Variants in DUSP19 observed in about 807,000 individuals in gnomAD.
DUSP19 encodes the protein dual specificity protein phosphatase 19.
Under a neutral mutation model 16.6 loss-of-function variants are expected in DUSP19, and 14 were observed. The observed-to-expected ratio is 0.84, with a 90% CI of 0.56 to 1.32. DUSP19 has a LOEUF of 1.32. Among genes scored for constraint, DUSP19 ranks in the 40% most tolerant of loss-of-function variants. DUSP19 has a pLI of 0.00. For missense variants in DUSP19, 258 were observed against 255.9 expected (o/e 1.01, Z -0.06); for synonymous variants, 81 against 90.5 (o/e 0.90, Z 0.59).
At chr2:183,090,573 T>C (rs1002973763) in intron 3 of DUSP19, among the ~76,000 whole-genome samples, 1 of 152,220 alleles carries the variant, frequency 6.6e-6, no homozygotes, top group Non-Finnish European at 1.5e-5. Context: ...AAATGGAAAA[T>C]GCAGATGAAA....
rs1395142346 is a variant in DUSP19 at position 183,095,879 on chromosome 2, T to G, written c.*221T>G. The G allele has an allele frequency of 1.8e-5, 6 of 335,602 alleles. No individual in the cohort carries two copies. The highest frequency in any genetic ancestry group is 3.2e-5 in the Non-Finnish European group (6 of 185,362). The allele number at this position is 335,602 out of a possible 1,614,324, so 20.8% of individuals were successfully genotyped here. A position where few individuals can be genotyped will look rare whatever the true frequency, so the allele number is the denominator to read the frequency against. On this transcript the variant is annotated 3_prime_UTR_variant, in exon 4 of 4. Transcript: ENST00000354221. ...TATAATGTGTGATTAAATGCTTTTT[T>G]AAATTGCTAAGGGAAAATAACAAAG...
intron 1 of DUSP19, among the ~76,000 whole-genome samples, chr2:183,083,069 T>C (rs948493120): frequency 1.3e-5 from 2 of 151,202 alleles, no homozygotes; most frequent in African/African-American, 4.8e-5. Context: ...GCCTGGCTAA[T>C]TAAAAAAAAT....
chr2:183,091,506 C>T (rs1361050198), intron 3 of DUSP19, among the ~76,000 whole-genome samples: 1 of 152,132 alleles, frequency 6.6e-6, no homozygotes, highest in Non-Finnish European at 1.5e-5. Flanking sequence ...TCATGCTCAC[C>T]TTATGTAAAT....
At chr2:183,085,871 T>G (rs1268910749) in intron 2 of DUSP19, among the ~76,000 whole-genome samples, 75 of 129,200 alleles carry the variant, frequency 5.8e-4, no homozygotes, top group African/African-American at 2.0e-3. Flanking sequence ...TTTTTTTTTT[T>G]TTTTTTTTTT....
At chr2:183,082,046 G>A (rs569028609) in intron 1 of DUSP19, among the ~76,000 whole-genome samples, 14 of 152,278 alleles carry the variant, frequency 9.2e-5, no homozygotes, top group African/African-American at 2.6e-4. Flanking sequence ...CTGGGAAGCC[G>A]GCTGTGACAG....
In DUSP19 at chr2:183,086,975, A is replaced by G. The variant is rs535077701; in HGVS notation, c.274-65A>G. 11 of 1,497,880 alleles carry G rather than the reference A, an allele frequency of 7.3e-6. No homozygotes were observed. In the Admixed American group the frequency reaches 1.2e-4, roughly 17 times the overall value. The allele number at this position is 1,497,880 out of a possible 1,614,324, so 92.8% of individuals were successfully genotyped here. A position where few individuals can be genotyped will look rare whatever the true frequency, so the allele number is the denominator to read the frequency against. ...TTCTTGTTATAGATATCAACACCCC[A>G]GTCTCTTTTTAGGTAACCTAATTCA... is the stretch of plus-strand genomic sequence containing the variant. On this transcript the variant is annotated intron_variant, in intron 2 of 3. Coordinates refer to ENST00000354221, the MANE Select transcript of DUSP19 (RefSeq NM_080876.4).
intron 2 of DUSP19, among the ~76,000 whole-genome samples, chr2:183,085,523 C>A (rs1335615842): frequency 6.6e-6 from 1 of 150,512 alleles, no homozygotes; most frequent in East Asian, 1.9e-4. Flanking sequence ...GAAACAGTTT[C>A]ATTTGAATTG....
In DUSP19 at chr2:183,079,132, G is replaced by C. The variant is rs140895775; in HGVS notation, c.199G>C (p.Gly67Arg). 1.1e-5 allele frequency: 17 copies of C among 1,613,908 alleles called. No individual in the cohort carries two copies. The African/African-American group carries it at 2.3e-4, about 22-fold the overall frequency. The part of the protein sequence containing the change: ...VQDLSSDLQV[G>R]VIKPWLLLGS... ...GGACCTTAGCTCGGACCTGCAAGTT[G>C]GCGTTATTAAGCCATGGTTGCTCCT... is the stretch of plus-strand genomic sequence containing the variant. The change falls in exon 1 of 4, where the codon GGC becomes CGC. Residue 67 changes from glycine to arginine, a missense_variant. Transcript: ENST00000354221.
chr2:183,082,460 G>A lies in DUSP19; in HGVS notation c.227-1048G>A, dbSNP rs1227289390. 1.4e-4 allele frequency among the ~76,000 whole-genome samples: 16 copies of A among 112,002 alleles called. No individual in the cohort carries two copies. In the Admixed American group the frequency reaches 1.5e-3, roughly 11 times the overall value. 73.5% of individuals were successfully genotyped at this position (112,002 alleles called of 152,430 possible). A position where few individuals can be genotyped will look rare whatever the true frequency, so the allele number is the denominator to read the frequency against. On this transcript the variant is annotated intron_variant, in intron 1 of 3. Transcript: ENST00000354221. ...TTTTTTTGAGACGGAGTCTCACTCTGTCACCTAGGCTGGAGTGCAGTGGCA... is the reference window on the plus strand; with the variant it reads ...TTTTTTTGAGACGGAGTCTCACTCTATCACCTAGGCTGGAGTGCAGTGGCA...
At chr2:183,089,253 A>G (rs1448477679) in intron 3 of DUSP19, among the ~76,000 whole-genome samples, 1 of 152,206 alleles carries the variant, frequency 6.6e-6, no homozygotes, top group East Asian at 1.9e-4. Context: ...CTCATTTCAC[A>G]GTGAGCTGAC....
chr2:183,097,784 A>G lies in DUSP19; in HGVS notation c.*2126A>G, dbSNP rs1699822334. 6.6e-6 allele frequency: 1 copy of G among 152,188 alleles called. No individual in the cohort carries two copies. The allele number at this position is 152,188 out of a possible 1,614,324, so 9.4% of individuals were successfully genotyped here. Reference sequence around the variant, plus strand: ...GTATTTAAATACATTTTATTTTGCTAAATCCTGTTTAGTTTTCAGCCATTA... The same window carrying G: ...GTATTTAAATACATTTTATTTTGCTGAATCCTGTTTAGTTTTCAGCCATTA... On this transcript the variant is annotated 3_prime_UTR_variant, in exon 4 of 4. Transcript: ENST00000354221.
intron 3 of DUSP19, among the ~76,000 whole-genome samples, chr2:183,088,397 G>GTTTTTTTTTTTTGTTTT (rs1699689889): frequency 8.2e-6 from 1 of 121,332 alleles, no homozygotes; most frequent in Non-Finnish European, 1.7e-5. Flanking sequence ...TGTTTTTTGT[G>GTTTTTTTTTTTTGTTTT]TTTTTTTTTT....
intron 1 of DUSP19, among the ~76,000 whole-genome samples, chr2:183,082,198 A>G (rs1430031186): frequency 6.6e-6 from 1 of 152,166 alleles, no homozygotes; most frequent in African/African-American, 2.4e-5. Flanking sequence ...GGTTTTTGTA[A>G]TATCCTTTTT....
chr2:183,081,976 C>T (rs953703909), intron 1 of DUSP19, among the ~76,000 whole-genome samples: 4 of 152,100 alleles, frequency 2.6e-5, no homozygotes, highest in African/African-American at 7.2e-5. Flanking sequence ...TTTATTTTGA[C>T]TAGTTATTCT....
chr2:183,095,425 T>TG lies in DUSP19; in HGVS notation c.427-6_427-5insG, dbSNP rs1699785176. 2 of 1,574,502 alleles carry TG rather than the reference T, an allele frequency of 1.3e-6. No homozygotes were observed. Among genetic ancestry groups the TG allele is most frequent in the African/African-American group, 2.8e-5 (2 of 72,580 alleles). The stretch of plus-strand genomic sequence containing the variant: ...TGAAGATTTTTGTTTGTTTTTTTTT[T>TG]TGTAGGATGGAGTGGTTCTTGTTCA... On this transcript the variant is annotated splice_polypyrimidine_tract_variant and splice_region_variant and intron_variant, in intron 3 of 3. Coordinates refer to ENST00000354221, the MANE Select transcript of DUSP19 (RefSeq NM_080876.4).
intron 1 of DUSP19, among the ~76,000 whole-genome samples, 171 bp downstream of exon 1, chr2:183,079,330 T>A (rs769978862): frequency 2.0e-5 from 3 of 152,152 alleles, no homozygotes; most frequent in Non-Finnish European, 4.4e-5. Flanking sequence ...CGTTTCTGCC[T>A]CACAGTGTAC....
rs1699791347 is a variant in DUSP19, at chr2:183,095,672, A to G, written c.*14A>G. 6.3e-7 allele frequency: 1 copy of G among 1,578,526 alleles called. No individual in the cohort carries two copies. Among genetic ancestry groups the G allele is most frequent in the African/African-American group, 1.3e-5 (1 of 74,278 alleles). ...AACAGTTCATGAGTTGCATTGTAGC[A>G]GACAATGGACAACTGTAGTTTCTGA... On this transcript the variant is annotated 3_prime_UTR_variant, in exon 4 of 4. Coordinates refer to ENST00000354221, the MANE Select transcript of DUSP19 (RefSeq NM_080876.4).
rs951095767 is a variant in DUSP19 at position 183,098,472 on chromosome 2, TA to T, written c.*2821del. ...ATCACTCTGTCATTCCTAGTTATTT[TA>T]AAAAAAGAACTTTATGATTACGGTC... is the stretch of plus-strand genomic sequence containing the variant. On this transcript the variant is annotated 3_prime_UTR_variant, in exon 4 of 4. Coordinates refer to ENST00000354221, the MANE Select transcript of DUSP19 (RefSeq NM_080876.4). 2.0e-5 allele frequency: 3 copies of T among 152,176 alleles called. No homozygotes were observed. The East Asian group carries it at 5.8e-4, about 29-fold the overall frequency. 9.4% of individuals were successfully genotyped at this position (152,176 alleles called of 1,614,324 possible). A position where few individuals can be genotyped will look rare whatever the true frequency, so the allele number is the denominator to read the frequency against.
rs750734450 is a variant in DUSP19, at chr2:183,079,093, T to C, written c.160T>C (p.Cys54Arg). The C allele has an allele frequency of 6.2e-7, 1 of 1,614,022 alleles. No individual in the cohort carries two copies. Among genetic ancestry groups the C allele is most frequent in the Non-Finnish European group, 8.5e-7 (1 of 1,179,990 alleles). ...EEVEPSSGGG[C>R]GYVQDLSSDL... ...AGTAGAGCCGAGCAGTGGGGGTGGT[T>C]GTGGTTATGTGCAGGACCTTAGCTC... Residue 54 changes from cysteine (C) to arginine (R), a missense_variant, in exon 1 of 4, where the codon TGT becomes CGT. By Grantham distance (180) the Cys-to-Arg change is radical. Coordinates refer to ENST00000354221, the MANE Select transcript of DUSP19 (RefSeq NM_080876.4).
Sources: allele counts gnomAD v4.1 joint callset (sites outside exome capture counted in the v4.1 genomes callset), GRCh38; gene constraint gnomAD v4.1.1; transcripts MANE v1.5; gene names NCBI Gene and HGNC (gene_info 2026-07-23, HGNC 2026-07-21).